The following STYK1 variants were observed in gnomAD, a reference collection of about 807,000 sequenced individuals.
STYK1 encodes the protein STY kinase 1, also known as tyrosine-protein kinase STYK1.
Under a neutral mutation model 48.1 loss-of-function variants are expected in STYK1, and 46 were observed. The observed-to-expected ratio is 0.96, with a 90% CI of 0.75 to 1.22. The LOEUF (loss-of-function observed/expected upper bound fraction) is 1.22, where lower values mean the gene tolerates loss of function less well. Among genes scored for constraint, STYK1 ranks in the 50% most tolerant of loss-of-function variants. The pLI, the probability that STYK1 is intolerant of heterozygous loss-of-function variation, is 0.00. For synonymous variants in STYK1, 188 were observed against 189.0 expected (o/e 0.99, Z 0.04); for missense variants, 527 against 521.1 (o/e 1.01, Z -0.11).
At position 10,672,803 on chromosome 12, in the gene STYK1, T is replaced by C. The variant is rs545122871; in HGVS notation, c.-195+1163A>G. 1.3e-5 allele frequency among the ~76,000 whole-genome samples: 2 copies of C among 152,310 alleles called. No homozygotes were observed. Among genetic ancestry groups the C allele is most frequent in the South Asian group, 2.1e-4 (1 of 4,820 alleles). On this transcript the variant is annotated intron_variant, in intron 1 of 10. Transcript: ENST00000075503. The surrounding 1 kb of genome is among the most constrained non-coding windows in gnomAD (Gnocchi z 4.0). Reference sequence around the variant, plus strand: ...CAAACTCACACAGTAATGGAGGCACTGAACGAAAAAGTATATGATTTTCAT... The same window carrying C: ...CAAACTCACACAGTAATGGAGGCACCGAACGAAAAAGTATATGATTTTCAT...
At chr12:10,668,372 ACTT>A (rs1301589531) in intron 1 of STYK1, among the ~76,000 whole-genome samples, 17 of 147,510 alleles carry the variant, frequency 1.2e-4, no homozygotes, top group East Asian at 6.0e-4. Flanking sequence ...TTTTTCTTCT[ACTT>A]CTTCTTCTTT....
chr12:10,635,653 T>G (rs61372978), intron 2 of STYK1, among the ~76,000 whole-genome samples: 7 of 152,332 alleles, frequency 4.6e-5, no homozygotes, highest in African/African-American at 1.7e-4. Context: ...CTCCCCCCCA[T>G]TCTTCTCCAT....
chr12:10,647,004 T>C (rs896745546), intron 1 of STYK1, among the ~76,000 whole-genome samples: 2 of 152,260 alleles, frequency 1.3e-5, no homozygotes, highest in Non-Finnish European at 2.9e-5. Context: ...CAGATGCCTA[T>C]GCAAAAGTTT....
At chr12:10,624,471 A>AC (rs779061788) in intron 8 of STYK1, among the ~76,000 whole-genome samples, 180 bp downstream of exon 8, 3 of 151,948 alleles carry the variant, frequency 2.0e-5, no homozygotes, top group Non-Finnish European at 4.4e-5. Flanking sequence ...AAGTACCAAA[A>AC]AGGATTGCAG....
At chr12:10,663,342 G>A (rs1021775976) in intron 1 of STYK1, among the ~76,000 whole-genome samples, 1 of 152,154 alleles carries the variant, frequency 6.6e-6, no homozygotes, top group Non-Finnish European at 1.5e-5. Context: ...TACAGGCGCG[G>A]TGGCTCACGC....
At position 10,661,437 on chromosome 12, in the gene STYK1, C is replaced by T. The variant is rs930827886; in HGVS notation, c.-195+12529G>A. 2.6e-5 allele frequency among the ~76,000 whole-genome samples: 4 copies of T among 152,180 alleles called. No individual in the cohort carries two copies. The East Asian group carries it at 5.8e-4, about 22-fold the overall frequency. On this transcript the variant is annotated intron_variant, in intron 1 of 10. Transcript: ENST00000075503. ...CACATCTGCATGGAGCACAGTCCAG[C>T]CAATAAACCAAGTGAAGCAATCTGC...
chr12:10,670,885 A>G (rs762246522), intron 1 of STYK1, among the ~76,000 whole-genome samples: 1 of 150,040 alleles, frequency 6.7e-6, no homozygotes, highest in Non-Finnish European at 1.5e-5. Flanking sequence ...TTAAATATAC[A>G]TATAATAAAA....
chr12:10,635,859 C>T (rs538665776), intron 2 of STYK1, among the ~76,000 whole-genome samples: 2 of 152,292 alleles, frequency 1.3e-5, no homozygotes, highest in South Asian at 2.1e-4. Context: ...CTGTCCCATA[C>T]CTCTCCTAAA....
chr12:10,673,799 C>T (rs1442870926), intron 1 of STYK1, 167 bp downstream of exon 1: 1 of 152,292 alleles, frequency 6.6e-6, no homozygotes, highest in Non-Finnish European at 1.5e-5. Flanking sequence ...CAGGTTAATT[C>T]ACTTGGTGAT....
intron 6 of STYK1, among the ~76,000 whole-genome samples, chr12:10,628,318 G>T (rs1265025698): frequency 3.9e-5 from 6 of 152,176 alleles, no homozygotes; most frequent in African/African-American, 1.4e-4. Flanking sequence ...GAGTTGCAGG[G>T]ACAGGGAAAT....
Position 10,629,618 on chromosome 12 carries a change from A to G in STYK1, c.508T>C (p.Tyr170His). ...DFLGRIQFHQ[Y>H]LGKHKNLVQL... Reference sequence around the variant, plus strand: ...ACCAGGTTTTTGTGTTTCCCCAGGTATTGATGGAATTGGATTCGCCCTAAG... The same window carrying G: ...ACCAGGTTTTTGTGTTTCCCCAGGTGTTGATGGAATTGGATTCGCCCTAAG... The change falls in exon 6 of 11, where the codon TAC (tyrosine) becomes CAC (histidine). Residue 170 changes from tyrosine to histidine, a missense_variant. Coordinates refer to ENST00000075503, the MANE Select transcript of STYK1 (RefSeq NM_018423.3). 1 of 1,614,166 alleles carries G rather than the reference A, an allele frequency of 6.2e-7. No homozygotes were observed. The highest frequency in any genetic ancestry group is 2.2e-5 in the East Asian group (1 of 44,874).
At chr12:10,639,101 G>A (rs538603527) in intron 1 of STYK1, among the ~76,000 whole-genome samples, 28 of 152,018 alleles carry the variant, frequency 1.8e-4, no homozygotes, top group East Asian at 9.7e-4. Flanking sequence ...TATAGTTAGC[G>A]TTTCATTCTT....
chr12:10,630,083 GAGAGA>G (rs1947407896), intron 5 of STYK1, among the ~76,000 whole-genome samples: 1 of 58,618 alleles, frequency 1.7e-5, no homozygotes, highest in African/African-American at 5.2e-5. Flanking sequence ...GAGAGAGAGA[GAGAGA>G]GAGAAATATA....
chr12:10,632,628 A>G (rs1947442315), intron 4 of STYK1, among the ~76,000 whole-genome samples: 1 of 152,114 alleles, frequency 6.6e-6, no homozygotes, highest in South Asian at 2.1e-4. Flanking sequence ...GTATTAAAAG[A>G]CTCATTCTGG....
intron 1 of STYK1, among the ~76,000 whole-genome samples, chr12:10,671,935 A>T (rs527686370): frequency 6.6e-6 from 1 of 152,368 alleles, no homozygotes; most frequent in South Asian, 2.1e-4. Context: ...CAAAATTAAT[A>T]TGCTGACATT....
chr12:10,646,433 A>C (rs1469490008), intron 1 of STYK1, among the ~76,000 whole-genome samples: 3 of 152,166 alleles, frequency 2.0e-5, no homozygotes, highest in African/African-American at 7.2e-5. Flanking sequence ...TTTGAACTTG[A>C]GGGAGATGAT....
At chr12:10,669,679 A>G (rs2120829902) in intron 1 of STYK1, among the ~76,000 whole-genome samples, 2 of 152,350 alleles carry the variant, frequency 1.3e-5, no homozygotes, top group Middle Eastern at 6.8e-3. Flanking sequence ...GAAAAAATCA[A>G]CAGAGTGAAG....
At chr12:10,643,903 T>C (rs1399274000) in intron 1 of STYK1, among the ~76,000 whole-genome samples, 5 of 152,200 alleles carry the variant, frequency 3.3e-5, no homozygotes, top group Non-Finnish European at 7.3e-5. Context: ...ATGCTAAACA[T>C]TGCTTGTTTT....
At chr12:10,622,006 C>G (rs1217777127) in intron 9 of STYK1, 34 bp from the exon 10 acceptor site, 9 of 1,580,140 alleles carry the variant, frequency 5.7e-6, no homozygotes, top group Non-Finnish European at 7.0e-6. Context: ...ACTTTAAGGT[C>G]CTCTAAAATA....
Sources: allele counts gnomAD v4.1 joint callset (sites outside exome capture counted in the v4.1 genomes callset), GRCh38; gene constraint gnomAD v4.1.1; non-coding constraint Gnocchi (gnomAD v3.1); transcripts MANE v1.5; gene names NCBI Gene and HGNC (gene_info 2026-07-23, HGNC 2026-07-21).